The following MYOM2 variants were observed in gnomAD, a reference collection of about 807,000 sequenced individuals.
MYOM2 encodes the protein myomesin-2.
A neutral mutation model predicts 187.6 loss-of-function variants in MYOM2; 254 were observed. That is an observed-to-expected ratio of 1.35 (90% CI 1.22 to 1.50). The LOEUF is 1.50. Ranked by LOEUF, MYOM2 falls within the 40% of genes most tolerant of loss-of-function variation. The probability of loss-of-function intolerance (pLI) is 0.00; values close to 1 mark genes in which losing one functional copy is unlikely to be tolerated. For missense variants in MYOM2, 2,796 were observed against 1,924.0 expected (o/e 1.45, Z -8.48); for synonymous variants, 981 against 753.8 (o/e 1.30, Z -4.94).
chr8:2,055,932 C>A (rs893334762), intron 3 of MYOM2, among the ~76,000 whole-genome samples: 25 of 152,198 alleles, frequency 1.6e-4, no homozygotes, highest in African/African-American at 5.5e-4. Context: ...GTGCCACAGG[C>A]GGCGCTCCGG....
intron 11 of MYOM2, among the ~76,000 whole-genome samples, chr8:2,077,932 G>C (rs1216039275): frequency 2.0e-5 from 3 of 152,160 alleles, no homozygotes; most frequent in African/African-American, 7.2e-5. Flanking sequence ...AACAGCCCAT[G>C]ACATGTGGAT....
chr8:2,140,014 C>G (rs951339200), intron 32 of MYOM2, among the ~76,000 whole-genome samples: 1 of 152,096 alleles, frequency 6.6e-6, no homozygotes, highest in African/African-American at 2.4e-5. Flanking sequence ...CACCACCACC[C>G]AGGACCTTTT....
chr8:2,057,618 G>A lies in MYOM2; in HGVS notation c.403-5G>A, dbSNP rs1397760399. The A allele has an allele frequency of 6.2e-7, 1 of 1,613,868 alleles. No homozygotes were observed. The highest frequency in any genetic ancestry group is 1.3e-5 in the African/African-American group (1 of 74,910). ...GAACCTGACCATCCTTGCTTCTCGG[G>A]GCAGATGGAGGACAAGCTGGCCTGG... On this transcript the variant is annotated splice_polypyrimidine_tract_variant and splice_region_variant and intron_variant, in intron 4 of 36. Coordinates refer to ENST00000262113, the MANE Select transcript of MYOM2 (RefSeq NM_003970.4).
Position 2,057,650 on chromosome 8 carries a change from C to G in MYOM2, c.430C>G (p.His144Asp). ...MMEDKLAWER[H>D]TFEERISRAP... Reference sequence around the variant, plus strand: ...GGAGGACAAGCTGGCCTGGGAGAGACACACATTTGAAGAGCGGATAAGCAG... The same window carrying G: ...GGAGGACAAGCTGGCCTGGGAGAGAGACACATTTGAAGAGCGGATAAGCAG... The change falls in exon 5 of 37, where the codon CAC (histidine) becomes GAC (aspartate). Residue 144 changes from histidine (H) to aspartate (D), a missense_variant. Coordinates refer to ENST00000262113, the MANE Select transcript of MYOM2 (RefSeq NM_003970.4). 4 of 1,614,088 alleles carry G rather than the reference C, an allele frequency of 2.5e-6. No individual in the cohort carries two copies. Among genetic ancestry groups the G allele is most frequent in the Non-Finnish European group, 3.4e-6 (4 of 1,180,000 alleles).
At chr8:2,079,503 C>G (rs181756568) in intron 12 of MYOM2, 57 bp from the exon 13 acceptor site, 9 of 1,563,402 alleles carry the variant, frequency 5.8e-6, no homozygotes, top group Non-Finnish European at 7.9e-6. Flanking sequence ...TGAGGGAAAA[C>G]GGGCTTTTGG....
At position 2,065,765 on chromosome 8, in the gene MYOM2, G is replaced by A. The variant is rs983731004; in HGVS notation, c.654-3513G>A. ...AATATTATCCAATTACATAGAGGTA[G>A]TAGGAGAAGCTCTGCCTGAGGCCCC... On this transcript the variant is annotated intron_variant, in intron 6 of 36. Transcript: ENST00000262113. 3.3e-5 allele frequency among the ~76,000 whole-genome samples: 5 copies of A among 152,202 alleles called. No individual in the cohort carries two copies. In the South Asian group the frequency reaches 1.0e-3, roughly 31 times the overall value.
intron 8 of MYOM2, 52 bp downstream of exon 8, chr8:2,069,549 C>A (rs1237597106): frequency 1.9e-6 from 3 of 1,595,254 alleles, no homozygotes; most frequent in Admixed American, 3.4e-5. Flanking sequence ...AGTGACATAG[C>A]AGACAATTTG....
intron 3 of MYOM2, among the ~76,000 whole-genome samples, chr8:2,056,614 T>A (rs1384815279): frequency 6.6e-6 from 1 of 152,218 alleles, no homozygotes; most frequent in Non-Finnish European, 1.5e-5. Context: ...TGTATATTTT[T>A]AAACTCAAAA....
In MYOM2 at chr8:2,073,396, C is replaced by G; in HGVS notation, c.1016C>G (p.Ser339Cys). Reference sequence around the variant, plus strand: ...ATGTTCTTTGGAGAAGGCCAGGCCTCCCTGTCCTTCAGCCACCTGCACAAG... The same window carrying G: ...ATGTTCTTTGGAGAAGGCCAGGCCTGCCTGTCCTTCAGCCACCTGCACAAG... The part of the protein sequence containing the change: ...TKMFFGEGQA[S>C]LSFSHLHKDD... The change falls in exon 10 of 37, where the codon TCC (serine) becomes TGC (cysteine). Residue 339 changes from serine (S) to cysteine (C), a missense_variant. Transcript: ENST00000262113. 1 of 1,613,462 alleles carries G rather than the reference C, an allele frequency of 6.2e-7. No homozygotes were observed.
intron 6 of MYOM2, among the ~76,000 whole-genome samples, chr8:2,064,710 T>A (rs1818958735): frequency 6.6e-6 from 1 of 152,214 alleles, no homozygotes; most frequent in Admixed American, 6.5e-5. Context: ...CCTTGCCCTT[T>A]GGGAGAGGCT....
rs1563057090 is a variant in MYOM2 at position 2,102,720 on chromosome 8, T to C, written c.2673T>C (p.Asn891=). The C allele has an allele frequency of 2.5e-6, 4 of 1,614,128 alleles. No homozygotes were observed. Among genetic ancestry groups the C allele is most frequent in the Non-Finnish European group, 3.4e-6 (4 of 1,179,940 alleles). Residue 891 remains asparagine, a synonymous_variant, in exon 21 of 37, where the codon AAT becomes AAC. Coordinates refer to ENST00000262113, the MANE Select transcript of MYOM2 (RefSeq NM_003970.4). ...KTYVFRVRAV[N]ANGVGKPSDT... ...ATGTCTTCAGGGTCCGGGCAGTCAA[T>C]GCAAATGGCGTGGGGAAGCCCTCAG... is the stretch of plus-strand genomic sequence containing the variant.
chr8:2,138,198 G>C (rs530762114), intron 32 of MYOM2, among the ~76,000 whole-genome samples: 1 of 152,208 alleles, frequency 6.6e-6, no homozygotes, highest in Non-Finnish European at 1.5e-5. Flanking sequence ...TGGCAAGTCC[G>C]TGTTGCCTTT....
At chr8:2,087,752 G>T (rs1385334713) in intron 14 of MYOM2, among the ~76,000 whole-genome samples, 1 of 152,160 alleles carries the variant, frequency 6.6e-6, no homozygotes, top group Non-Finnish European at 1.5e-5. Context: ...CAGAGTAGCT[G>T]GGACCACAGG....
At chr8:2,091,215 T>A (rs746962294) in intron 15 of MYOM2, among the ~76,000 whole-genome samples, 17 of 152,120 alleles carry the variant, frequency 1.1e-4, no homozygotes, top group Admixed American at 3.9e-4. Context: ...TTTAAAAAAA[T>A]TTTTGTTTTG....
intron 34 of MYOM2, among the ~76,000 whole-genome samples, 154 bp from the exon 35 acceptor site, chr8:2,142,221 C>T (rs1798297661): frequency 6.6e-6 from 1 of 152,186 alleles, no homozygotes; most frequent in African/African-American, 2.4e-5. Context: ...ATCCTGGGGT[C>T]CTGTGACCCG....
rs773272096 is a variant in MYOM2 at position 2,116,251 on chromosome 8, A to G, written c.3361A>G (p.Arg1121Gly). ...KTVLEEAEFQ[R>G]KEFLRKQGPH... ...TGTGCTGGAAGAGGCTGAGTTTCAA[A>G]GGAAAGAATTTCTCAGGAAACAAGG... Residue 1121 changes from arginine to glycine, a missense_variant, in exon 27 of 37, where the codon AGG (arginine) becomes GGG (glycine). Arg to Gly is a moderately radical substitution (Grantham distance 125). Transcript: ENST00000262113. The G allele has an allele frequency of 5.0e-6, 8 of 1,612,958 alleles. No individual in the cohort carries two copies. The highest frequency in any genetic ancestry group is 1.6e-4 in the Middle Eastern group (1 of 6,062).
intron 32 of MYOM2, among the ~76,000 whole-genome samples, chr8:2,137,438 A>C (rs990896324): frequency 6.6e-6 from 1 of 152,016 alleles, no homozygotes; most frequent in Non-Finnish European, 1.5e-5. Context: ...TTTGCAGGGC[A>C]GGGAAGCAGG....
At chr8:2,072,559 C>A in intron 9 of MYOM2, 50 bp downstream of exon 9, 1 of 1,571,132 alleles carries the variant, frequency 6.4e-7, no homozygotes, top group Non-Finnish European at 8.6e-7. Context: ...GGCTTTTGGA[C>A]GGAAATGTCC....
chr8:2,074,259 A>G (rs999987015), intron 10 of MYOM2, among the ~76,000 whole-genome samples: 1 of 152,236 alleles, frequency 6.6e-6, no homozygotes, highest in African/African-American at 2.4e-5. Context: ...TTACAGTGAT[A>G]GCAAAAGGAA....
Sources: allele counts gnomAD v4.1 joint callset (sites outside exome capture counted in the v4.1 genomes callset), GRCh38; gene constraint gnomAD v4.1.1; transcripts MANE v1.5; gene names NCBI Gene and HGNC (gene_info 2026-07-23, HGNC 2026-07-21).